The following CTNNA2 variants were observed in gnomAD, a reference collection of about 807,000 sequenced individuals.
The protein encoded by CTNNA2 is catenin alpha-2.
In CTNNA2, 42 loss-of-function variants were observed where a neutral mutation model predicts 101.0. The ratio of observed to expected loss-of-function variants is 0.42; its 90% CI spans 0.32 to 0.54. The LOEUF (loss-of-function observed/expected upper bound fraction) is 0.54. Ranked by LOEUF, CTNNA2 falls within the 20% of genes least tolerant of loss-of-function variation. CTNNA2 has a pLI of 0.14. For missense variants in CTNNA2, 871 were observed against 1,223.1 expected (o/e 0.71, Z 4.29); for synonymous variants, 450 against 456.4 (o/e 0.99, Z 0.18).
chr2:80,436,988 G>A (rs1328588940), intron 9 of CTNNA2, among the ~76,000 whole-genome samples: 6 of 152,180 alleles, frequency 3.9e-5, no homozygotes, highest in Non-Finnish European at 5.9e-5. Flanking sequence ...GGGGCTTTTA[G>A]GAAGTGACTG....
At chr2:79,692,819 A>G (rs1331467544) in intron 2 of CTNNA2, among the ~76,000 whole-genome samples, 1 of 144,760 alleles carries the variant, frequency 6.9e-6, no homozygotes, top group Non-Finnish European at 1.5e-5. Flanking sequence ...TAGGAGTTTA[A>G]CAATGAGAAC....
intron 7 of CTNNA2, among the ~76,000 whole-genome samples, chr2:80,334,980 G>T (rs1671648060): frequency 6.6e-6 from 1 of 152,156 alleles, no homozygotes; most frequent in Admixed American, 6.5e-5. Flanking sequence ...AGTTATAGGT[G>T]CTCAAAAGAC....
At chr2:79,795,501 T>C (rs1313393723) in intron 3 of CTNNA2, among the ~76,000 whole-genome samples, 1 of 152,060 alleles carries the variant, frequency 6.6e-6, no homozygotes, top group African/African-American at 2.4e-5. Flanking sequence ...ATGTAATTAA[T>C]AAATATTACA....
intron 2 of CTNNA2, among the ~76,000 whole-genome samples, chr2:79,235,966 T>G (rs1197645762): frequency 1.3e-5 from 2 of 152,024 alleles, no homozygotes; most frequent in Non-Finnish European, 2.9e-5. Context: ...AAGCAGGACT[T>G]CTTGGCTGGA....
At chr2:80,637,753 G>A (rs1443510052) in intron 18 of CTNNA2, among the ~76,000 whole-genome samples, 1 of 152,132 alleles carries the variant, frequency 6.6e-6, no homozygotes, top group Non-Finnish European at 1.5e-5. Context: ...GAGAAGAGAA[G>A]TGAAAGAATG....
intron 3 of CTNNA2, among the ~76,000 whole-genome samples, chr2:79,828,617 C>A (rs2105412005): frequency 6.6e-6 from 1 of 152,102 alleles, no homozygotes; most frequent in Admixed American, 6.6e-5. Flanking sequence ...GAGGAAAATC[C>A]TAGGAATAGA....
chr2:80,562,421 A>G (rs771685993), intron 12 of CTNNA2, among the ~76,000 whole-genome samples: 11 of 152,198 alleles, frequency 7.2e-5, no homozygotes, highest in Admixed American at 5.2e-4. Flanking sequence ...ACGCTGAGAA[A>G]CCATTACCCA....
intron 4 of CTNNA2, among the ~76,000 whole-genome samples, chr2:79,441,478 G>T (rs972092879): frequency 2.6e-5 from 4 of 151,992 alleles, no homozygotes; most frequent in Non-Finnish European, 5.9e-5. Context: ...TATACCCAGG[G>T]ACTGAAGCAT....
intron 7 of CTNNA2, among the ~76,000 whole-genome samples, chr2:79,917,993 C>CT (rs1686376613): frequency 6.6e-6 from 1 of 152,136 alleles, no homozygotes; most frequent in Admixed American, 6.6e-5. Flanking sequence ...CTTCTTGGGC[C>CT]TTAATGTGCC....
chr2:79,867,201 C>A (rs964215550), intron 4 of CTNNA2, among the ~76,000 whole-genome samples: 2 of 152,146 alleles, frequency 1.3e-5, no homozygotes, highest in Admixed American at 1.3e-4. Context: ...CCAGAAAGGA[C>A]AAAAGATCCT....
intron 7 of CTNNA2, among the ~76,000 whole-genome samples, chr2:80,239,314 G>A (rs1400192370): frequency 1.3e-5 from 2 of 152,256 alleles, no homozygotes; most frequent in African/African-American, 4.8e-5. Context: ...TTAGCTATGC[G>A]AAACTTGGGT....
At chr2:80,616,732 G>A (rs1377639091) in intron 17 of CTNNA2, among the ~76,000 whole-genome samples, 4 of 151,676 alleles carry the variant, frequency 2.6e-5, no homozygotes, top group Admixed American at 1.3e-4. Context: ...CATGAAAAAT[G>A]TCAAGAGGCT....
intron 9 of CTNNA2, among the ~76,000 whole-genome samples, chr2:80,439,977 T>A (rs1298650964): frequency 6.6e-6 from 1 of 152,166 alleles, no homozygotes; most frequent in Admixed American, 6.5e-5. Flanking sequence ...ATTCTAATTA[T>A]AGAAGGCAGA....
intron 3 of CTNNA2, among the ~76,000 whole-genome samples, chr2:79,832,142 T>G (rs962593095): frequency 3.4e-4 from 51 of 152,216 alleles, no homozygotes; most frequent in African/African-American, 9.6e-4. Flanking sequence ...CTATCACACT[T>G]GGCACAGTTC....
intron 7 of CTNNA2, among the ~76,000 whole-genome samples, chr2:80,381,193 C>T (rs1260170697): frequency 2.0e-5 from 3 of 151,592 alleles, no homozygotes; most frequent in South Asian, 2.1e-4. Flanking sequence ...GGCAGCCTGG[C>T]CTTCCCCCAG....
chr2:79,741,512 A>G (rs886253834), intron 2 of CTNNA2, among the ~76,000 whole-genome samples: 3 of 152,122 alleles, frequency 2.0e-5, no homozygotes, highest in Non-Finnish European at 4.4e-5. Context: ...ATGTCTCTCT[A>G]TTATGTAGGT....
At chr2:80,457,684 T>C (rs1407284699) in intron 9 of CTNNA2, among the ~76,000 whole-genome samples, 1 of 152,168 alleles carries the variant, frequency 6.6e-6, no homozygotes, top group Non-Finnish European at 1.5e-5. Flanking sequence ...AACACTATAT[T>C]GAGGGATGGG....
chr2:80,360,958 T>G (rs570004735), intron 7 of CTNNA2, among the ~76,000 whole-genome samples: 1 of 151,950 alleles, frequency 6.6e-6, no homozygotes, highest in South Asian at 2.1e-4. Flanking sequence ...TTATAGTGGG[T>G]TTTTTTTAAA....
At chr2:80,067,498 A>G (rs955195974) in intron 7 of CTNNA2, among the ~76,000 whole-genome samples, 12 of 152,162 alleles carry the variant, frequency 7.9e-5, no homozygotes, top group African/African-American at 2.9e-4. Flanking sequence ...TATCTTTCTT[A>G]AAGTACGTAT....
Sources: gnomAD v4.1 joint callset for allele counts (sites outside exome capture counted in the v4.1 genomes callset) on GRCh38, gnomAD v4.1.1 for gene constraint, MANE v1.5 for transcripts, NCBI Gene and HGNC (gene_info 2026-07-23, HGNC 2026-07-21) for gene names.